CREB5: variants seen among roughly 807,000 people sequenced by gnomAD.
CREB5 encodes the protein cyclic AMP-responsive element-binding protein 5.
A neutral mutation model predicts 57.1 loss-of-function variants in CREB5; 19 were observed. The ratio of observed to expected loss-of-function variants is 0.33; its 90% CI spans 0.23 to 0.49. The LOEUF is 0.49. Among genes scored for constraint, CREB5 ranks in the 20% least tolerant of loss-of-function variants. The pLI, the probability that CREB5 is intolerant of heterozygous loss-of-function variation, is 0.99. For synonymous variants in CREB5, 238 were observed against 238.3 expected, an observed-to-expected ratio of 1.00 and a Z score of 0.01; for missense variants, 579 against 671.6, an observed-to-expected ratio of 0.86 and a Z score of 1.52.
chr7:28,360,219 T>A (rs1179612553), intron 1 of CREB5, among the ~76,000 whole-genome samples: 1 of 152,234 alleles, frequency 6.6e-6, no homozygotes, highest in Admixed American at 6.5e-5. Flanking sequence ...TACTTCTGGT[T>A]ATATATCTAA....
rs757839730 is a variant in CREB5 at position 28,570,358 on chromosome 7, T to C, written c.292-7T>C. The stretch of plus-strand genomic sequence containing the variant: ...CCTGACCTTTCCCCTGTGTCTTCTC[T>C]GGGCAGAATATCTCGATGCATAATG... On this transcript the variant is annotated splice_polypyrimidine_tract_variant and splice_region_variant and intron_variant, in intron 4 of 10. Coordinates refer to ENST00000357727, the MANE Select transcript of CREB5 (RefSeq NM_182898.4). 1.9e-6 allele frequency: 3 copies of C among 1,609,064 alleles called. No individual in the cohort carries two copies. Among genetic ancestry groups the C allele is most frequent in the African/African-American group, 1.3e-5 (1 of 74,852 alleles).
intron 1 of CREB5, among the ~76,000 whole-genome samples, chr7:28,321,220 C>T (rs1187700673): frequency 2.0e-5 from 3 of 151,556 alleles, no homozygotes; most frequent in Admixed American, 6.6e-5. Flanking sequence ...TCTTCATCCT[C>T]TTTTTTTTTG....
chr7:28,583,856 T>C (rs1796212144), intron 5 of CREB5, among the ~76,000 whole-genome samples: 1 of 152,014 alleles, frequency 6.6e-6, no homozygotes, highest in Non-Finnish European at 1.5e-5. Flanking sequence ...TTTTGTATTT[T>C]TAGTAGAGAC....
At chr7:28,643,617 G>C (rs997147411) in intron 5 of CREB5, among the ~76,000 whole-genome samples, 3 of 152,120 alleles carry the variant, frequency 2.0e-5, no homozygotes, top group Non-Finnish European at 2.9e-5. Context: ...ACTTCAACAG[G>C]TTGTTATGAG....
chr7:28,477,529 G>A lies in CREB5; in HGVS notation c.4-10646G>A, dbSNP rs137973380. ...CCCTTTTCATACTGATTTGAAGTGTGGATTCGAAAATGGTGCTGTTGTTTG... is the reference window on the plus strand; with the variant it reads ...CCCTTTTCATACTGATTTGAAGTGTAGATTCGAAAATGGTGCTGTTGTTTG... On this transcript the variant is annotated intron_variant, in intron 1 of 10. Transcript: ENST00000357727. 2.3e-3 allele frequency among the ~76,000 whole-genome samples: 352 copies of A among 152,290 alleles called. 2 individuals carry two copies. Among genetic ancestry groups the A allele is most frequent in the African/African-American group, 7.9e-3 (328 of 41,540 alleles).
intron 1 of CREB5, among the ~76,000 whole-genome samples, chr7:28,326,012 T>A (rs1214792010): frequency 1.3e-5 from 2 of 152,172 alleles, no homozygotes; most frequent in Non-Finnish European, 2.9e-5. Context: ...TTCTCTGGAA[T>A]CAGTTCTTCA....
intron 1 of CREB5, among the ~76,000 whole-genome samples, chr7:28,470,840 A>G (rs949696648): frequency 6.6e-6 from 1 of 152,134 alleles, no homozygotes; most frequent in African/African-American, 2.4e-5. Flanking sequence ...GACGTTGCAC[A>G]CCCTTTCATA....
rs909580956 is a variant in CREB5, at chr7:28,823,437, A to T, written c.*4158A>T. On this transcript the variant is annotated 3_prime_UTR_variant, in exon 11 of 11. Coordinates refer to ENST00000357727, the MANE Select transcript of CREB5 (RefSeq NM_182898.4). Reference sequence around the variant, plus strand: ...GTGTTAGTCCATAATAAACTACTATAGTTATGTGTATTTTCATTTTTCAGG... The same window carrying T: ...GTGTTAGTCCATAATAAACTACTATTGTTATGTGTATTTTCATTTTTCAGG... 2.6e-5 allele frequency: 4 copies of T among 152,638 alleles called. No individual in the cohort carries two copies. The highest frequency in any genetic ancestry group is 2.6e-4 in the Admixed American group (4 of 15,272). The allele number at this position is 152,638 out of a possible 1,614,324, so 9.5% of individuals were successfully genotyped here.
At chr7:28,724,378 C>T (rs565202622) in intron 7 of CREB5, 46 bp downstream of exon 7, 240 of 1,530,696 alleles carry the variant, frequency 1.6e-4, no homozygotes, top group Non-Finnish European at 2.0e-4. Flanking sequence ...GTGACTTTTT[C>T]TTTTGAATTT....
At position 28,388,895 on chromosome 7, in the gene CREB5, G is replaced by T. The variant is rs1787159751; in HGVS notation, c.-25+89454G>T. Among the ~76,000 whole-genome samples the T allele has an allele frequency of 2.0e-5, 3 of 152,198 alleles. No individual in the cohort carries two copies. In the South Asian group the frequency reaches 6.2e-4, roughly 32 times the overall value. ...TTAAATCATTGTCACAAGGTCATTT[G>T]ATATATTACAGCTGTGAGATAAGAA... On this transcript the variant is annotated intron_variant, in intron 1 of 9. Coordinates refer to the CREB5 transcript ENST00000396299.
chr7:28,770,313 T>C (rs1806253560), intron 7 of CREB5, among the ~76,000 whole-genome samples: 1 of 152,206 alleles, frequency 6.6e-6, no homozygotes, highest in Non-Finnish European at 1.5e-5. Flanking sequence ...AAGCCTGTAA[T>C]ACTGGAGCTT....
chr7:28,547,694 T>G lies in CREB5; in HGVS notation c.292-22671T>G, dbSNP rs527366801. Among the ~76,000 whole-genome samples the G allele has an allele frequency of 3.3e-5, 5 of 152,344 alleles. No homozygotes were observed. In the South Asian group the frequency reaches 1.0e-3, roughly 32 times the overall value. ...CTAAGTTGGCTCATAAAATTAACCA[T>G]CACACCTCTGAACTCTTCCCTGAAC... On this transcript the variant is annotated intron_variant, in intron 4 of 10. Coordinates refer to ENST00000357727, the MANE Select transcript of CREB5 (RefSeq NM_182898.4).
intron 1 of CREB5, among the ~76,000 whole-genome samples, chr7:28,464,029 T>C (rs1430850182): frequency 6.6e-6 from 1 of 152,190 alleles, no homozygotes; most frequent in African/African-American, 2.4e-5. Flanking sequence ...GTTACACAAA[T>C]GTGATATTAA....
chr7:28,631,994 T>G (rs1401160788), intron 5 of CREB5, among the ~76,000 whole-genome samples: 1 of 152,184 alleles, frequency 6.6e-6, no homozygotes, highest in East Asian at 1.9e-4. Flanking sequence ...TTCACCATTT[T>G]ATGCATATAA....
At chr7:28,425,986 G>A (rs1368704032) in intron 1 of CREB5, among the ~76,000 whole-genome samples, 1 of 152,168 alleles carries the variant, frequency 6.6e-6, no homozygotes, top group African/African-American at 2.4e-5. Context: ...CCCAGATTGA[G>A]GCTTCATGCC....
rs34310030 is a variant in CREB5 at position 28,689,909 on chromosome 7, G to GGTGTGTGTGTGT, written c.465-28817_465-28806dup. On this transcript the variant is annotated intron_variant, in intron 5 of 10. Coordinates refer to ENST00000357727, the MANE Select transcript of CREB5 (RefSeq NM_182898.4). ...GAATTCTCCCATTTTACTTGTATTTGGTGTGTGTGTGTGTGTGTGTGTGTG... is the reference window on the plus strand; with the variant it reads ...GAATTCTCCCATTTTACTTGTATTTGGTGTGTGTGTGTGTGTGTGTGTGTGTGTGTGTGTGTG... 6.2e-3 allele frequency among the ~76,000 whole-genome samples: 874 copies of GGTGTGTGTGTGT among 141,644 alleles called. 1 individual carries two copies. The highest frequency in any genetic ancestry group is 0.018 in the African/African-American group (677 of 37,510). 92.9% of individuals were successfully genotyped at this position (141,644 alleles called of 152,430 possible).
chr7:28,324,689 A>G (rs941910765), intron 1 of CREB5, among the ~76,000 whole-genome samples: 1 of 152,134 alleles, frequency 6.6e-6, no homozygotes, highest in Non-Finnish European at 1.5e-5. Context: ...CTGCACACCA[A>G]TGACTCCCAA....
intron 1 of CREB5, among the ~76,000 whole-genome samples, chr7:28,471,404 G>C (rs999973231): frequency 1.4e-4 from 21 of 151,992 alleles, no homozygotes; most frequent in African/African-American, 2.4e-4. Context: ...TTCATTTCTG[G>C]GTTCTCTCTT....
chr7:28,539,304 A>G (rs748843937), intron 4 of CREB5, among the ~76,000 whole-genome samples: 5 of 152,338 alleles, frequency 3.3e-5, no homozygotes, highest in African/African-American at 1.2e-4. Context: ...TGCTGGATCA[A>G]ATATAAACAT....
Sources: allele counts gnomAD v4.1 joint callset (sites outside exome capture counted in the v4.1 genomes callset), GRCh38; gene constraint gnomAD v4.1.1; transcripts MANE v1.5; gene names NCBI Gene and HGNC (gene_info 2026-07-23, HGNC 2026-07-21).